ACTR3C: variants seen among roughly 807,000 people sequenced by gnomAD.
ACTR3C encodes the protein actin related protein 3C, also known as actin-related protein 3C.
In ACTR3C, 18 loss-of-function variants were observed where a neutral mutation model predicts 26.3. The ratio of observed to expected loss-of-function variants is 0.68; its 90% CI spans 0.47 to 1.01. The LOEUF is 1.01. Among genes scored for constraint, ACTR3C ranks in the 50% least tolerant of loss-of-function variants. The pLI is 0.00. For missense variants in ACTR3C, 184 were observed against 250.7 expected, an observed-to-expected ratio of 0.73 and a Z score of 1.80; for synonymous variants, 55 against 94.5, an observed-to-expected ratio of 0.58 and a Z score of 2.42.
At chr7:149,896,034 C>CAAAAAAAAAA in the ACTR3C span, among the ~76,000 whole-genome samples, 10 of 83,062 alleles carry the variant, frequency 1.2e-4, no homozygotes, top group African/African-American at 1.4e-4. Context: ...CCTGTCTCTA[C>CAAAAAAAAAA]AAAAAAAAAA....
chr7:149,946,596 G>A, the ACTR3C span, among the ~76,000 whole-genome samples: 1 of 152,174 alleles, frequency 6.6e-6, no homozygotes, highest in Non-Finnish European at 1.5e-5. Context: ...CAAGGTGGGT[G>A]CCCAAGTGCT....
the ACTR3C span, among the ~76,000 whole-genome samples, chr7:149,958,657 C>T: frequency 1.3e-5 from 2 of 152,184 alleles, no homozygotes; most frequent in East Asian, 1.9e-4. Flanking sequence ...GCACCATACA[C>T]GTAAAACATC....
the ACTR3C span, among the ~76,000 whole-genome samples, chr7:149,976,044 C>G: frequency 1.3e-5 from 2 of 152,184 alleles, no homozygotes; most frequent in African/African-American, 4.8e-5. Flanking sequence ...ATCAACTGTT[C>G]TGGGTGCATT....
the ACTR3C span, among the ~76,000 whole-genome samples, chr7:149,959,996 T>G: frequency 6.6e-6 from 1 of 151,434 alleles, no homozygotes; most frequent in South Asian, 2.1e-4. Flanking sequence ...TGGACCACAC[T>G]CACCAGCTGG....
the ACTR3C span, among the ~76,000 whole-genome samples, chr7:150,197,582 A>G: frequency 6.6e-6 from 1 of 152,182 alleles, no homozygotes; most frequent in Non-Finnish European, 1.5e-5. Context: ...ACTGGAAAGT[A>G]ACCTCACAGT....
chr7:150,153,987 A>G, the ACTR3C span, among the ~76,000 whole-genome samples: 1 of 149,518 alleles, frequency 6.7e-6, no homozygotes, highest in Non-Finnish European at 1.5e-5. Context: ...AAAACCAAAC[A>G]CTGCATATTC....
chr7:150,248,964 C>T lies in ACTR3C; in HGVS notation c.*22G>A, dbSNP rs778133117. ...TGAGAATACCTCAAATAAAAGGCTA[C>T]GCATGGGCTCAATATATCATCTCAA... is the stretch of plus-strand genomic sequence containing the variant. On this transcript the variant is annotated 3_prime_UTR_variant, in exon 7 of 8. Transcript: ENST00000683684. 13 of 614,620 alleles carry T rather than the reference C, an allele frequency of 2.1e-5. No homozygotes were observed. Among genetic ancestry groups the T allele is most frequent in the African/African-American group, 1.5e-4 (8 of 54,040 alleles). 38.1% of individuals were successfully genotyped at this position (614,620 alleles called of 1,614,324 possible).
the ACTR3C span, among the ~76,000 whole-genome samples, chr7:149,958,800 T>C: frequency 6.6e-6 from 1 of 152,234 alleles, no homozygotes; most frequent in African/African-American, 2.4e-5. Flanking sequence ...AGAAGAGGTA[T>C]GATTCAGAGG....
At chr7:149,897,074 A>AG in the ACTR3C span, among the ~76,000 whole-genome samples, 2 of 151,800 alleles carry the variant, frequency 1.3e-5, no homozygotes, top group Admixed American at 6.6e-5. Flanking sequence ...AAAAAAAAAA[A>AG]AAAAAAAACA....
At chr7:149,967,563 C>A in the ACTR3C span, among the ~76,000 whole-genome samples, 1 of 152,106 alleles carries the variant, frequency 6.6e-6, no homozygotes, top group Non-Finnish European at 1.5e-5. Context: ...GCAGCTCTGT[C>A]CTCTAAAAAT....
the ACTR3C span, among the ~76,000 whole-genome samples, chr7:149,918,021 A>T: frequency 1.3e-5 from 2 of 152,178 alleles, no homozygotes; most frequent in Admixed American, 1.3e-4. Context: ...TACATGACCA[A>T]TTTTTTTAAT....
chr7:150,081,049 A>G, the ACTR3C span, among the ~76,000 whole-genome samples: 322 of 152,324 alleles, frequency 2.1e-3, 4 homozygotes, highest in Non-Finnish European at 2.6e-3. Flanking sequence ...ACTGCTTTGT[A>G]TGTGCTCCTT....
the ACTR3C span, among the ~76,000 whole-genome samples, chr7:150,139,802 T>G: frequency 2.0e-5 from 3 of 148,930 alleles, no homozygotes; most frequent in African/African-American, 7.5e-5. Flanking sequence ...TCCCTTTGGA[T>G]AGCCAACTGT....
the ACTR3C span, among the ~76,000 whole-genome samples, chr7:150,045,741 A>G: frequency 1.3e-5 from 2 of 152,112 alleles, no homozygotes; most frequent in Admixed American, 1.3e-4. Context: ...CTCCAAGTTA[A>G]GATTTTTTAA....
chr7:150,076,962 C>A, the ACTR3C span, among the ~76,000 whole-genome samples: 1 of 152,038 alleles, frequency 6.6e-6, no homozygotes, highest in Admixed American at 6.6e-5. Flanking sequence ...ATCAGGAGTT[C>A]GAGACCAGCC....
At chr7:150,042,303 G>C in the ACTR3C span, among the ~76,000 whole-genome samples, 6 of 60,604 alleles carry the variant, frequency 9.9e-5, no homozygotes, top group East Asian at 5.8e-4. Flanking sequence ...CCAGAGCCAG[G>C]GGGGGAAGAG....
the ACTR3C span, among the ~76,000 whole-genome samples, chr7:150,086,910 A>G: frequency 1.4e-4 from 22 of 152,350 alleles, no homozygotes; most frequent in Admixed American, 4.6e-4. Flanking sequence ...AGCAAGTTCC[A>G]TGCCAATCAA....
the ACTR3C span, among the ~76,000 whole-genome samples, chr7:150,027,193 A>G: frequency 6.6e-6 from 1 of 152,022 alleles, no homozygotes; most frequent in Non-Finnish European, 1.5e-5. Context: ...GCCTTACCTA[A>G]ATTCCTGATA....
the ACTR3C span, among the ~76,000 whole-genome samples, chr7:150,167,164 G>C: frequency 1.3e-5 from 2 of 150,486 alleles, no homozygotes; most frequent in Non-Finnish European, 2.9e-5. Context: ...TTTTGTTTTG[G>C]ATATATTCCC....
Sources: gnomAD v4.1 joint callset for allele counts (sites outside exome capture counted in the v4.1 genomes callset) on GRCh38, gnomAD v4.1.1 for gene constraint, MANE v1.5 for transcripts, NCBI Gene and HGNC (gene_info 2026-07-23, HGNC 2026-07-21) for gene names.